The following TIRAP variants were observed in gnomAD, a reference collection of about 807,000 sequenced individuals.
TIRAP encodes the protein toll/interleukin-1 receptor domain-containing adapter protein.
TIRAP carries 20 observed loss-of-function variants against 19.8 expected under a neutral mutation model. The observed-to-expected ratio is 1.01, with a 90% CI of 0.71 to 1.47. TIRAP has a LOEUF of 1.47. Ranked by LOEUF, TIRAP falls within the 40% of genes most tolerant of loss-of-function variation. The pLI is 0.00. For synonymous variants in TIRAP, 125 were observed against 121.7 expected, an observed-to-expected ratio of 1.03 and a Z score of -0.18; for missense variants, 276 against 285.1, an observed-to-expected ratio of 0.97 and a Z score of 0.23.
Position 126,292,598 on chromosome 11 carries a change from A to T in TIRAP, c.189A>T (p.Ser63=). 3 of 1,614,206 alleles carry T rather than the reference A, an allele frequency of 1.9e-6. No homozygotes were observed. Among genetic ancestry groups the T allele is most frequent in the Non-Finnish European group, 2.5e-6 (3 of 1,180,036 alleles). Residue 63 remains serine (S), a synonymous_variant, in exon 4 of 5, where the codon TCA becomes TCT. Coordinates refer to ENST00000392679, the MANE Select transcript of TIRAP (RefSeq NM_001318777.2). ...QDSPLPPSLS[S]VTSPSLPPTH... Reference sequence around the variant, plus strand: ...GCCCACTACCCCCAAGCCTCAGCTCAGTCACGTCTCCCAGCCTGCCACCCA... The same window carrying T: ...GCCCACTACCCCCAAGCCTCAGCTCTGTCACGTCTCCCAGCCTGCCACCCA...
chr11:126,286,632 A>G (rs894703121), intron 1 of TIRAP, among the ~76,000 whole-genome samples: 1 of 152,234 alleles, frequency 6.6e-6, no homozygotes, highest in Non-Finnish European at 1.5e-5. Context: ...TGAAGTATAG[A>G]TGGTAATTTA....
Position 126,291,932 on chromosome 11 carries a change from C to T in TIRAP, c.68-545C>T, listed in dbSNP as rs1205771159. ...TAACCAGGCTGGTGGAACACTCTCACATAAGGATTCCAGAGTTCTGACACG... is the reference window on the plus strand; with the variant it reads ...TAACCAGGCTGGTGGAACACTCTCATATAAGGATTCCAGAGTTCTGACACG... On this transcript the variant is annotated intron_variant, in intron 3 of 4. Coordinates refer to ENST00000392679, the MANE Select transcript of TIRAP (RefSeq NM_001318777.2). The surrounding 1 kb of genome is among the most constrained non-coding windows in gnomAD (Gnocchi z 5.6). Among the ~76,000 whole-genome samples the T allele has an allele frequency of 6.6e-6, 1 of 152,038 alleles. No homozygotes were observed. The highest frequency in any genetic ancestry group is 1.9e-4 in the East Asian group (1 of 5,186).
chr11:126,293,599 C>A (rs1951435279), intron 4 of TIRAP, 69 bp from the exon 5 acceptor site: 1 of 1,578,446 alleles, frequency 6.3e-7, no homozygotes, highest in Non-Finnish European at 8.7e-7. Flanking sequence ...ATAGAAGAGG[C>A]AGGACCTGTT....
At chr11:126,289,707 G>A (rs1951359070) in intron 1 of TIRAP, 1 of 985,356 alleles carries the variant, frequency 1.0e-6, no homozygotes, top group Admixed American at 6.2e-5. Context: ...TGCTCTGCCA[G>A]CCTTTCACAG....
intron 1 of TIRAP, among the ~76,000 whole-genome samples, chr11:126,283,791 C>G (rs989610804): frequency 1.3e-5 from 2 of 152,148 alleles, no homozygotes; most frequent in Non-Finnish European, 2.9e-5. Flanking sequence ...AACACCAAAC[C>G]TAGGGGACAC....
At position 126,291,933 on chromosome 11, in the gene TIRAP, A is replaced by G. The variant is rs927885000; in HGVS notation, c.68-544A>G. Among the ~76,000 whole-genome samples, 3 of 152,040 alleles carry G rather than the reference A, an allele frequency of 2.0e-5. No homozygotes were observed. Among genetic ancestry groups the G allele is most frequent in the Non-Finnish European group, 4.4e-5 (3 of 68,028 alleles). On this transcript the variant is annotated intron_variant, in intron 3 of 4. Transcript: ENST00000392679. The surrounding 1 kb of genome is among the most constrained non-coding windows in gnomAD (Gnocchi z 5.6). ...AACCAGGCTGGTGGAACACTCTCAC[A>G]TAAGGATTCCAGAGTTCTGACACGT...
rs951429236 is a variant in TIRAP, at chr11:126,293,527, A to G, written c.647-141A>G. On this transcript the variant is annotated intron_variant, in intron 4 of 4. Transcript: ENST00000392679. ...GCAAAATAATAGGAAAGAAGTGCATATAAGTGTATCTGGGGAGGGCCATGC... is the reference window on the plus strand; with the variant it reads ...GCAAAATAATAGGAAAGAAGTGCATGTAAGTGTATCTGGGGAGGGCCATGC... 5 of 996,138 alleles carry G rather than the reference A, an allele frequency of 5.0e-6. No homozygotes were observed. In the Admixed American group the frequency reaches 5.2e-5, roughly 10 times the overall value. The allele number at this position is 996,138 out of a possible 1,614,324, so 61.7% of individuals were successfully genotyped here. A position where few individuals can be genotyped will look rare whatever the true frequency, so the allele number is the denominator to read the frequency against.
chr11:126,290,881 T>C lies in TIRAP; in HGVS notation c.-14T>C, dbSNP rs1329300364. On this transcript the variant is annotated 5_prime_UTR_variant, in exon 3 of 5. Coordinates refer to ENST00000392679, the MANE Select transcript of TIRAP (RefSeq NM_001318777.2). The surrounding 1 kb of genome is among the most constrained non-coding windows in gnomAD (Gnocchi z 4.9). ...AATGCCTGGTCTCACGGGGCTAGTT[T>C]TGACCCCCACGCTATGGCATCATCG... The C allele has an allele frequency of 6.2e-7, 1 of 1,600,238 alleles. No homozygotes were observed. The highest frequency in any genetic ancestry group is 1.3e-5 in the African/African-American group (1 of 74,770).
rs768289511 is a variant in TIRAP at position 126,290,780 on chromosome 11, TTCTC to T, written c.-92-15_-92-12del. On this transcript the variant is annotated intron_variant, in intron 2 of 4. Coordinates refer to ENST00000392679, the MANE Select transcript of TIRAP (RefSeq NM_001318777.2). The surrounding 1 kb of genome is among the most constrained non-coding windows in gnomAD (Gnocchi z 4.9). Reference sequence around the variant, plus strand: ...AGCAGGGTAAGTGCAGCCTTTGTGATTCTCTCTCTCTACCCTCTGTAGGATGGCT... The same window carrying T: ...AGCAGGGTAAGTGCAGCCTTTGTGATTCTCTCTACCCTCTGTAGGATGGCT... 61 of 1,482,258 alleles carry T rather than the reference TTCTC, an allele frequency of 4.1e-5. No individual in the cohort carries two copies. Among genetic ancestry groups the T allele is most frequent in the Middle Eastern group, 1.7e-4 (1 of 5,736 alleles). 91.8% of individuals were successfully genotyped at this position (1,482,258 alleles called of 1,614,324 possible). A position where few individuals can be genotyped will look rare whatever the true frequency, so the allele number is the denominator to read the frequency against.
Position 126,292,949 on chromosome 11 carries a change from G to A in TIRAP, c.540G>A (p.Ser180=), listed in dbSNP as rs772763353. ...AGGGCTGCACCATCCCCCTGCTGTC[G>A]GGCCTCAGCAGAGCTGCCTACCCAC... The part of the protein sequence containing the change: ...GAEGCTIPLL[S]GLSRAAYPPE... Residue 180 remains serine, a synonymous_variant, in exon 4 of 5, where the codon TCG becomes TCA. Transcript: ENST00000392679. 44 of 1,614,038 alleles carry A rather than the reference G, an allele frequency of 2.7e-5. No individual in the cohort carries two copies. Among genetic ancestry groups the A allele is most frequent in the Non-Finnish European group, 3.4e-5 (40 of 1,179,952 alleles).
chr11:126,291,602 C>T lies in TIRAP; in HGVS notation c.67+641C>T, dbSNP rs73017367. 6.8e-3 allele frequency: 3,087 copies of T among 454,946 alleles called. 16 individuals are homozygous for T. Among genetic ancestry groups the T allele is most frequent in the Non-Finnish European group, 0.01 (2,338 of 228,276 alleles). 28.2% of individuals were successfully genotyped at this position (454,946 alleles called of 1,614,324 possible). ...CTGAATCACGAAGCTCTCTGCTCCT[C>T]AGCAACTCTGAGCAGTAGCCTCTTC... On this transcript the variant is annotated intron_variant, in intron 3 of 4. Coordinates refer to ENST00000392679, the MANE Select transcript of TIRAP (RefSeq NM_001318777.2). This position sits in a 1 kb window ranked among gnomAD's most constrained non-coding sequence, Gnocchi z 5.6.
chr11:126,286,136 G>C (rs540475653), intron 1 of TIRAP, among the ~76,000 whole-genome samples: 3 of 151,806 alleles, frequency 2.0e-5, no homozygotes, highest in African/African-American at 7.2e-5. Context: ...AGGTTGAGGT[G>C]GGCCAATCAC....
chr11:126,293,618 C>G, intron 4 of TIRAP, 50 bp from the exon 5 acceptor site: 1 of 1,608,424 alleles, frequency 6.2e-7, no homozygotes, highest in Non-Finnish European at 8.5e-7. Flanking sequence ...TTGGGGAAAA[C>G]AGATGCTGGG....
At position 126,287,326 on chromosome 11, in the gene TIRAP, T is replaced by TA. The variant is rs1331752044; in HGVS notation, c.-216-3136_-216-3135insA. Reference sequence around the variant, plus strand: ...TACTAAATACACTTTGGATTTTTTTTTTTTTATTTTTGAGACTTGAGTCTT... The same window carrying TA: ...TACTAAATACACTTTGGATTTTTTTTATTTTTATTTTTGAGACTTGAGTCTT... On this transcript the variant is annotated intron_variant, in intron 1 of 4. Transcript: ENST00000392679. This position sits in a 1 kb window ranked among gnomAD's most constrained non-coding sequence, Gnocchi z 4.2. Among the ~76,000 whole-genome samples, 3 of 152,124 alleles carry TA rather than the reference T, an allele frequency of 2.0e-5. No homozygotes were observed. The highest frequency in any genetic ancestry group is 4.4e-5 in the Non-Finnish European group (3 of 68,024).
intron 1 of TIRAP, among the ~76,000 whole-genome samples, chr11:126,284,174 C>T (rs913984920): frequency 6.6e-6 from 1 of 151,658 alleles, no homozygotes; most frequent in African/African-American, 2.4e-5. Flanking sequence ...GCTGGGATTA[C>T]AGGCGCCTGC....
chr11:126,289,739 A>G, intron 1 of TIRAP: 7 of 985,452 alleles, frequency 7.1e-6, no homozygotes, highest in African/African-American at 1.7e-5. Context: ...CTAGAATACT[A>G]CAGCCCCCAC....
At chr11:126,284,679 C>A (rs1951297729) in intron 1 of TIRAP, among the ~76,000 whole-genome samples, 1 of 151,830 alleles carries the variant, frequency 6.6e-6, no homozygotes, top group South Asian at 2.1e-4. Context: ...TATGGTGAAA[C>A]CCCGTCTCTA....
Position 126,283,155 on chromosome 11 carries a change from T to C in TIRAP, c.-217+2T>C. On this transcript the variant is annotated splice_donor_variant, in intron 1 of 4. Coordinates refer to ENST00000392679, the MANE Select transcript of TIRAP (RefSeq NM_001318777.2). LOFTEE classifies it low-confidence loss of function (5UTR_SPLICE). ...CATCGCAACTGGGCCCGCGCGCAGG[T>C]GAGCCCGGGGCGGGGTCGCGGGGGA... The C allele has an allele frequency of 1.0e-6, 1 of 984,464 alleles. No homozygotes were observed. Among genetic ancestry groups the C allele is most frequent in the Non-Finnish European group, 1.2e-6 (1 of 829,440 alleles). The allele number at this position is 984,464 out of a possible 1,614,324, so 61.0% of individuals were successfully genotyped here. A position where few individuals can be genotyped will look rare whatever the true frequency, so the allele number is the denominator to read the frequency against.
In TIRAP at chr11:126,291,009, C is replaced by A. The variant is rs1446639759; in HGVS notation, c.67+48C>A. The A allele has an allele frequency of 1.3e-6, 2 of 1,569,986 alleles. No individual in the cohort carries two copies. The highest frequency in any genetic ancestry group is 4.6e-5 in the East Asian group (2 of 43,622). Reference sequence around the variant, plus strand: ...CTCTGCTGTGTTCCTGAGTGTAGTGCTCAGCCTCCATAGGGCGCGGTGGGA... The same window carrying A: ...CTCTGCTGTGTTCCTGAGTGTAGTGATCAGCCTCCATAGGGCGCGGTGGGA... On this transcript the variant is annotated intron_variant, in intron 3 of 4. Coordinates refer to ENST00000392679, the MANE Select transcript of TIRAP (RefSeq NM_001318777.2). This position sits in a 1 kb window ranked among gnomAD's most constrained non-coding sequence, Gnocchi z 5.6.
Sources: gnomAD v4.1 joint callset for allele counts (sites outside exome capture counted in the v4.1 genomes callset) on GRCh38, gnomAD v4.1.1 for gene constraint, Gnocchi (gnomAD v3.1) non-coding constraint, MANE v1.5 for transcripts, NCBI Gene and HGNC (gene_info 2026-07-23, HGNC 2026-07-21) for gene names.